Variants in SYTL5 observed in about 807,000 individuals in gnomAD.
SYTL5 encodes synaptotagmin like 5.
SYTL5 carries 34 observed loss-of-function variants against 55.9 expected under a neutral mutation model. The ratio of observed to expected loss-of-function variants is 0.61; its 90% CI spans 0.46 to 0.81. SYTL5 has a LOEUF of 0.81. Ranked by LOEUF, SYTL5 falls within the 30% of genes least tolerant of loss-of-function variation. SYTL5 has a pLI of 0.00. For missense variants in SYTL5, 637 were observed against 546.7 expected, an observed-to-expected ratio of 1.17 and a Z score of -1.65; for synonymous variants, 221 against 188.7, an observed-to-expected ratio of 1.17 and a Z score of -1.40.
At chrX:37,927,143 T>C in the SYTL5 span, among the ~76,000 whole-genome samples, 2 of 112,276 alleles carry the variant, frequency 1.8e-5, no homozygotes, top group East Asian at 5.6e-4. Context: ...GACGGATATG[T>C]CTACATACTG....
intron 1 of SYTL5, among the ~76,000 whole-genome samples, chrX:38,011,701 C>T (rs1432412260): frequency 9.0e-6 from 1 of 110,749 alleles, no homozygotes; most frequent in Non-Finnish European, 1.9e-5. Flanking sequence ...TACCCGTGTA[C>T]TTAACTGCTG....
chrX:38,115,280 C>T lies in SYTL5; in HGVS notation c.1596+4798C>T, dbSNP rs918723156. 8.8e-5 allele frequency among the ~76,000 whole-genome samples: 9 copies of T among 101,849 alleles called. No homozygotes were observed. In the East Asian group the frequency reaches 1.5e-3, roughly 16 times the overall value. 88.4% of individuals were successfully genotyped at this position (101,849 alleles called of 115,157 possible). On this transcript the variant is annotated intron_variant, in intron 13 of 16. Coordinates refer to ENST00000297875, the MANE Select transcript of SYTL5 (RefSeq NM_138780.3). ...CGGGCGGATCACGAGGTCAGGAGAT[C>T]GAGACCATCCTGGGTAACACAGTGA...
intron 3 of SYTL5, among the ~76,000 whole-genome samples, chrX:38,062,581 C>A (rs1473662678): frequency 9.0e-6 from 1 of 111,151 alleles, no homozygotes; most frequent in African/African-American, 3.3e-5. Flanking sequence ...AGAAATACAG[C>A]CCCTGACATC....
the SYTL5 span, among the ~76,000 whole-genome samples, chrX:37,948,640 A>G: frequency 9.0e-6 from 1 of 110,884 alleles, no homozygotes; most frequent in Non-Finnish European, 1.9e-5. Context: ...CTACCAAGCT[A>G]CTTTCTATGT....
chrX:38,101,644 T>C (rs1937086974), intron 9 of SYTL5, among the ~76,000 whole-genome samples: 1 of 109,524 alleles, frequency 9.1e-6, no homozygotes, highest in East Asian at 2.8e-4. Flanking sequence ...TATGTGTATA[T>C]ATGTATGTGT....
the SYTL5 span, among the ~76,000 whole-genome samples, chrX:37,987,896 C>T: frequency 1.8e-5 from 2 of 111,806 alleles, no homozygotes; most frequent in African/African-American, 3.3e-5. Context: ...TGCTTGATAA[C>T]GAATACTTTG....
chrX:38,007,170 C>A (rs999366185), intron 1 of SYTL5, among the ~76,000 whole-genome samples: 2 of 111,529 alleles, frequency 1.8e-5, no homozygotes, highest in Middle Eastern at 4.2e-3. Flanking sequence ...ATTGTTTTTA[C>A]ATTCAGTTCC....
rs752472838 is a variant in SYTL5 at position 38,120,324 on chromosome X, T to C, written c.1597-34T>C. The C allele has an allele frequency of 3.9e-5, 41 of 1,042,713 alleles. No individual in the cohort carries two copies. In the African/African-American group the frequency reaches 5.4e-4, roughly 14 times the overall value. 85.9% of individuals were successfully genotyped at this position (1,042,713 alleles called of 1,213,427 possible). A position where few individuals can be genotyped will look rare whatever the true frequency, so the allele number is the denominator to read the frequency against. On this transcript the variant is annotated intron_variant, in intron 13 of 16. Coordinates refer to ENST00000297875, the MANE Select transcript of SYTL5 (RefSeq NM_138780.3). ...ACTACAATACTAAGCCAATCATCCA[T>C]ACTCTTTCAACTTACTTGTTTCTCC...
chrX:37,979,022 T>C, the SYTL5 span, among the ~76,000 whole-genome samples: 191 of 112,036 alleles, frequency 1.7e-3, 1 homozygote, highest in Middle Eastern at 0.014. Flanking sequence ...AGTGAAATTT[T>C]TGCAGTGAAA....
intron 3 of SYTL5, among the ~76,000 whole-genome samples, chrX:38,060,379 C>T (rs774652962): frequency 9.0e-6 from 1 of 111,721 alleles, no homozygotes; most frequent in Admixed American, 9.5e-5. Context: ...GTGGTTTTTC[C>T]CTTAATACTT....
chrX:37,988,156 G>A, the SYTL5 span, among the ~76,000 whole-genome samples: 4 of 111,694 alleles, frequency 3.6e-5, no homozygotes, highest in Non-Finnish European at 7.5e-5. Flanking sequence ...AGGCAGAGGC[G>A]AATTTGACAC....
intron 10 of SYTL5, 101 bp downstream of exon 10, chrX:38,102,535 T>A (rs1937110314): frequency 1.7e-6 from 1 of 585,464 alleles, no homozygotes; most frequent in South Asian, 2.8e-5. Flanking sequence ...AAATGTGTGA[T>A]AATGAGTTAA....
chrX:38,125,789 T>C (rs896066479), intron 16 of SYTL5, among the ~76,000 whole-genome samples: 3 of 111,861 alleles, frequency 2.7e-5, no homozygotes, highest in Admixed American at 9.5e-5. Context: ...GAATTGTAAG[T>C]ACTTTCTTGG....
Position 38,033,958 on chromosome X carries a change from C to T in SYTL5, c.69C>T (p.Gly23=), listed in dbSNP as rs73632432. The change falls in exon 2 of 17, where the codon GGC becomes GGT. Residue 23 remains glycine (G), a synonymous_variant. Transcript: ENST00000297875. ...ATCATGAGAAGGAAATGATCCTGGGCGTCCTAAAGAGAGATGAATATTTGA... is the reference window on the plus strand; with the variant it reads ...ATCATGAGAAGGAAATGATCCTGGGTGTCCTAAAGAGAGATGAATATTTGA... ...LLDHEKEMIL[G]VLKRDEYLKK... The T allele has an allele frequency of 6.8e-4, 811 of 1,195,249 alleles. 4 individuals are homozygous for T. The African/African-American group carries it at 0.012, about 18-fold the overall frequency.
chrX:37,946,004 T>C, the SYTL5 span: 1 of 130,825 alleles, frequency 7.6e-6, no homozygotes, highest in Non-Finnish European at 1.8e-5. Flanking sequence ...GAATTGTATG[T>C]TAATAATTAT....
Position 38,049,397 on chromosome X carries a change from C to T in SYTL5, c.120-4816C>T, listed in dbSNP as rs1344827271. On this transcript the variant is annotated intron_variant, in intron 2 of 16. Transcript: ENST00000297875. ...AAAATGGGAACATATTCCTGTCTAA[C>T]GTAAAAGTCTGGGTTGACTGGTGGC... is the stretch of plus-strand genomic sequence containing the variant. Among the ~76,000 whole-genome samples, 3 of 111,668 alleles carry T rather than the reference C, an allele frequency of 2.7e-5. No individual in the cohort carries two copies. In the Admixed American group the frequency reaches 2.8e-4, roughly 11 times the overall value.
the SYTL5 span, among the ~76,000 whole-genome samples, chrX:37,992,134 A>G: frequency 8.9e-6 from 1 of 112,843 alleles, no homozygotes; most frequent in East Asian, 2.8e-4. Context: ...AGAGCACCAA[A>G]GGATTATTAG....
At chrX:37,976,813 A>G in the SYTL5 span, among the ~76,000 whole-genome samples, 1 of 107,744 alleles carries the variant, frequency 9.3e-6, no homozygotes, top group Admixed American at 9.9e-5. Flanking sequence ...AAAAAAAAAA[A>G]AAAAGAGCTA....
the SYTL5 span, among the ~76,000 whole-genome samples, chrX:37,963,765 C>T: frequency 6.3e-5 from 7 of 111,607 alleles, no homozygotes. Context: ...GATTCCAGTA[C>T]TATGTTGAAT....
Sources: allele counts gnomAD v4.1 joint callset (sites outside exome capture counted in the v4.1 genomes callset), GRCh38; gene constraint gnomAD v4.1.1; transcripts MANE v1.5; gene names NCBI Gene and HGNC (gene_info 2026-07-23, HGNC 2026-07-21).